The following DNAAF11 variants were observed in gnomAD, a reference collection of about 807,000 sequenced individuals.
The protein encoded by DNAAF11 is leucine rich repeat containing 6.
In DNAAF11, 45 loss-of-function variants were observed where a neutral mutation model predicts 60.8. That is an observed-to-expected ratio of 0.74 (90% confidence interval 0.58 to 0.95). The LOEUF is 0.95. Ranked by LOEUF, DNAAF11 falls within the 40% of genes least tolerant of loss-of-function variation. The probability of loss-of-function intolerance (pLI) is 0.00; values close to 1 mark genes in which losing one functional copy is unlikely to be tolerated. For missense variants in DNAAF11, 546 were observed against 546.2 expected, an observed-to-expected ratio of 1.00 and a Z score of 0.00; for synonymous variants, 191 against 183.5, an observed-to-expected ratio of 1.04 and a Z score of -0.33.
At chr8:132,652,899 C>G (rs112127603) in intron 3 of DNAAF11, among the ~76,000 whole-genome samples, 16 of 151,924 alleles carry the variant, frequency 1.1e-4, no homozygotes, top group African/African-American at 3.9e-4. Context: ...ATGTAACAAG[C>G]CTGCATGTTC....
At chr8:132,665,798 G>A (rs1416705417) in intron 1 of DNAAF11, among the ~76,000 whole-genome samples, 3 of 152,168 alleles carry the variant, frequency 2.0e-5, no homozygotes, top group Non-Finnish European at 2.9e-5. Context: ...ACCTGTACTC[G>A]TGTGCTACTG....
chr8:132,653,913 G>C (rs1004790142), intron 3 of DNAAF11, among the ~76,000 whole-genome samples: 1 of 152,052 alleles, frequency 6.6e-6, no homozygotes, highest in Non-Finnish European at 1.5e-5. Context: ...CTGCCTTATT[G>C]CTAATTACAT....
intron 11 of DNAAF11, among the ~76,000 whole-genome samples, chr8:132,582,551 T>C (rs768379470): frequency 1.3e-5 from 2 of 152,232 alleles, no homozygotes; most frequent in South Asian, 2.1e-4. Flanking sequence ...CCCATGAATC[T>C]TGTATGTGCA....
At chr8:132,639,135 T>C (rs1821605111) in intron 3 of DNAAF11, among the ~76,000 whole-genome samples, 1 of 152,216 alleles carries the variant, frequency 6.6e-6, no homozygotes, top group Admixed American at 6.5e-5. Context: ...AATTACCATA[T>C]GACTTCTCGG....
At chr8:132,645,540 T>G (rs1234986677) in intron 3 of DNAAF11, among the ~76,000 whole-genome samples, 1 of 151,714 alleles carries the variant, frequency 6.6e-6, no homozygotes, top group African/African-American at 2.4e-5. Context: ...ATAACAAAAT[T>G]CTCTGAGCTA....
intron 10 of DNAAF11, among the ~76,000 whole-genome samples, chr8:132,585,813 T>C (rs1815832781): frequency 2.0e-5 from 3 of 152,338 alleles, no homozygotes; most frequent in South Asian, 4.1e-4. Flanking sequence ...GTAATTTTAT[T>C]GCTTTCCATT....
Position 132,584,466 on chromosome 8 carries a change from G to A in DNAAF11, c.1141-687C>T, listed in dbSNP as rs3779971. 1.1e-3 allele frequency among the ~76,000 whole-genome samples: 161 copies of A among 152,182 alleles called. 1 individual carries two copies. In the East Asian group the frequency reaches 0.025, roughly 24 times the overall value. ...GCTGCTACTTGTCAGACTCCACTAC[G>A]TGCTAGGCACACACCTACCAATATC... On this transcript the variant is annotated intron_variant, in intron 10 of 11. Transcript: ENST00000620350.
intron 1 of DNAAF11, among the ~76,000 whole-genome samples, chr8:132,671,414 T>C (rs1825177731): frequency 6.6e-6 from 1 of 152,220 alleles, no homozygotes; most frequent in African/African-American, 2.4e-5. Flanking sequence ...ATCCCTTGTT[T>C]TTGGGTCAGA....
chr8:132,691,748 C>T, the DNAAF11 span, among the ~76,000 whole-genome samples: 3 of 152,052 alleles, frequency 2.0e-5, no homozygotes, highest in Admixed American at 6.5e-5. Context: ...GGGAAACCAC[C>T]CCCATCATCC....
At chr8:132,673,438 C>T (rs1207194321) in intron 1 of DNAAF11, among the ~76,000 whole-genome samples, 2 of 152,188 alleles carry the variant, frequency 1.3e-5, no homozygotes, top group Non-Finnish European at 2.9e-5. Context: ...CTATCTCCCA[C>T]TCGAACTCCT....
At chr8:132,632,988 T>C in intron 4 of DNAAF11, 25 bp from the exon 5 acceptor site, 1 of 1,524,052 alleles carries the variant, frequency 6.6e-7, no homozygotes, top group Non-Finnish European at 9.1e-7. Context: ...ATAAATATAG[T>C]ACAATTGTTC....
At chr8:132,686,922 T>A in the DNAAF11 span, among the ~76,000 whole-genome samples, 1 of 152,196 alleles carries the variant, frequency 6.6e-6, no homozygotes, top group Non-Finnish European at 1.5e-5. Context: ...GTAGCATTGA[T>A]CACATTTGGC....
chr8:132,578,296 G>C (rs556272571), intron 11 of DNAAF11: 1 of 564,092 alleles, frequency 1.8e-6, no homozygotes, highest in South Asian at 2.9e-5. Flanking sequence ...AATCATAATA[G>C]AGGATTTTAA....
intron 3 of DNAAF11, among the ~76,000 whole-genome samples, chr8:132,652,685 A>G (rs1390023849): frequency 6.6e-6 from 1 of 152,146 alleles, no homozygotes; most frequent in African/African-American, 2.4e-5. Flanking sequence ...GCAAACTAAC[A>G]CAAGAACAGA....
At chr8:132,587,608 T>A (rs1377435814) in intron 10 of DNAAF11, among the ~76,000 whole-genome samples, 1 of 152,118 alleles carries the variant, frequency 6.6e-6, no homozygotes. Context: ...ATCGTCTTAT[T>A]CATTTGTGCT....
intron 3 of DNAAF11, chr8:132,643,732 G>A (rs1187295491): frequency 2.2e-6 from 1 of 456,084 alleles, no homozygotes; most frequent in Admixed American, 2.3e-5. Context: ...TGATGTAAGT[G>A]CAATACTTGG....
In DNAAF11 at chr8:132,632,957, C is replaced by G. The variant is rs200321595; in HGVS notation, c.436G>C (p.Asp146His). The change falls in exon 5 of 12, where the codon GAT (aspartate) becomes CAT (histidine). Residue 146 changes from aspartate to histidine, a missense_variant. Asp to His is a moderately conservative substitution (Grantham distance 81, BLOSUM62 -1). Transcript: ENST00000620350. ...TCTGAAGGCTCTATTTCTTTACCATCCAACCACTTAAAGAAAAACAATAAA... is the reference window on the plus strand; with the variant it reads ...TCTGAAGGCTCTATTTCTTTACCATGCAACCACTTAAAGAAAAACAATAAA... ...VATLPQLKWL[D>H]GKEIEPSERI... is the part of the protein sequence containing the mutation. 1.5e-4 allele frequency: 240 copies of G among 1,608,062 alleles called. No homozygotes were observed. Among genetic ancestry groups the G allele is most frequent in the Non-Finnish European group, 1.9e-4 (219 of 1,175,522 alleles).
intron 2 of DNAAF11, among the ~76,000 whole-genome samples, chr8:132,658,553 C>G (rs906508953): frequency 6.6e-6 from 1 of 152,158 alleles, no homozygotes; most frequent in African/African-American, 2.4e-5. Context: ...GATCTCCTGA[C>G]CTCGTGATCC....
At chr8:132,669,807 G>A (rs1288589106) in intron 1 of DNAAF11, among the ~76,000 whole-genome samples, 2 of 152,072 alleles carry the variant, frequency 1.3e-5, no homozygotes, top group Non-Finnish European at 2.9e-5. Context: ...AAATTAGAAA[G>A]TATTTTGAAC....
Sources: allele counts gnomAD v4.1 joint callset (sites outside exome capture counted in the v4.1 genomes callset), GRCh38; gene constraint gnomAD v4.1.1; transcripts MANE v1.5; gene names NCBI Gene and HGNC (gene_info 2026-07-23, HGNC 2026-07-21).